Variants in ACER3 observed in about 807,000 individuals in gnomAD.
ACER3 encodes alkCDase 3.
Under a neutral mutation model 48.9 loss-of-function variants are expected in ACER3, and 16 were observed. That is an observed-to-expected ratio of 0.33 (90% CI 0.22 to 0.50). The LOEUF (loss-of-function observed/expected upper bound fraction) is 0.50. ACER3 is among the 20% of genes least tolerant of loss of function. The pLI, the probability that ACER3 is intolerant of heterozygous loss-of-function variation, is 0.98. For synonymous variants in ACER3, 109 were observed against 107.8 expected (o/e 1.01, Z -0.07); for missense variants, 227 against 326.0 (o/e 0.70, Z 2.34).
chr11:76,869,397 A>G (rs1945184259), intron 1 of ACER3, among the ~76,000 whole-genome samples: 2 of 152,260 alleles, frequency 1.3e-5, no homozygotes, highest in Non-Finnish European at 2.9e-5. Flanking sequence ...TTACAAACTT[A>G]AAACATAGAT....
At chr11:76,987,728 A>C (rs1253204430) in intron 5 of ACER3, among the ~76,000 whole-genome samples, 6 of 152,214 alleles carry the variant, frequency 3.9e-5, no homozygotes, top group Non-Finnish European at 8.8e-5. Flanking sequence ...ACTTGAGCCC[A>C]GGAGTTCAAG....
chr11:77,001,046 GTA>G (rs1949022595), intron 7 of ACER3, among the ~76,000 whole-genome samples: 1 of 152,088 alleles, frequency 6.6e-6, no homozygotes, highest in South Asian at 2.1e-4. Flanking sequence ...CATGAACACA[GTA>G]TGTCTCTTGA....
At chr11:76,899,658 C>T (rs1184120580) in intron 1 of ACER3, among the ~76,000 whole-genome samples, 1 of 152,094 alleles carries the variant, frequency 6.6e-6, no homozygotes, top group African/African-American at 2.4e-5. Flanking sequence ...ATCATTTGCT[C>T]TTTATTTTTT....
chr11:76,926,635 A>G lies in ACER3; in HGVS notation c.182A>G (p.Lys61Arg), dbSNP rs555155221. 3.6e-5 allele frequency: 58 copies of G among 1,602,768 alleles called. 1 individual carries two copies. The highest frequency in any genetic ancestry group is 3.5e-4 in the African/African-American group (26 of 74,966). The change falls in exon 2 of 11, where the codon AAG becomes AGG. Residue 61 changes from lysine to arginine, a missense_variant. Lys to Arg is a conservative substitution (Grantham distance 26, BLOSUM62 2). Around this residue, in one of 3 missense-constraint regions of ACER3, gnomAD observed 195 missense variants for 290.8 expected, o/e 0.67. Transcript: ENST00000532485. ...CAGAGTGTTAGAGACGGTCTGGAAAAGCGGTACATTGCTTCTTATTTAGCA... is the reference window on the plus strand; with the variant it reads ...CAGAGTGTTAGAGACGGTCTGGAAAGGCGGTACATTGCTTCTTATTTAGCA... Reference protein sequence around the residue: ...AVQSVRDGLEKRYIASYLALT... With the variant: ...AVQSVRDGLERRYIASYLALT...
chr11:76,979,390 C>A (rs536054575), intron 4 of ACER3, among the ~76,000 whole-genome samples: 3 of 152,226 alleles, frequency 2.0e-5, no homozygotes, highest in African/African-American at 7.2e-5. Context: ...GAATGCCCAT[C>A]TAGCTGCTAT....
chr11:77,026,457 C>T lies in ACER3; in HGVS notation c.*6130C>T, dbSNP rs538780683. On this transcript the variant is annotated 3_prime_UTR_variant, in exon 11 of 11. Transcript: ENST00000532485. ...TTGTTCACTATCATGCCTTTCCATA[C>T]TTGTAATATTTCTGAGTCACTTATT... 2 of 152,266 alleles carry T rather than the reference C, an allele frequency of 1.3e-5. No individual in the cohort carries two copies. Among genetic ancestry groups the T allele is most frequent in the East Asian group, 1.9e-4 (1 of 5,182 alleles). The allele number at this position is 152,266 out of a possible 1,614,324, so 9.4% of individuals were successfully genotyped here.
chr11:76,889,939 A>G (rs1945765808), intron 1 of ACER3, among the ~76,000 whole-genome samples: 1 of 151,964 alleles, frequency 6.6e-6, no homozygotes, highest in South Asian at 2.1e-4. Flanking sequence ...TTTTAAAAAC[A>G]CTTAACAATA....
chr11:76,871,681 C>T (rs61895513), intron 1 of ACER3, among the ~76,000 whole-genome samples: 60,988 of 151,964 alleles, frequency 0.4, 15,077 homozygotes, highest in Non-Finnish European at 0.56. Context: ...GTTTCCTATT[C>T]AGACCTCTAA....
Position 76,959,185 on chromosome 11 carries a change from GT to G in ACER3, c.267+155del, listed in dbSNP as rs1947920283. ...TGAGGATCCAAACTGACTAAGTGAA[GT>G]AAAGAAATAAGCAGGTGAGTCCATA... On this transcript the variant is annotated intron_variant, in intron 3 of 10. Transcript: ENST00000532485. 2.0e-6 allele frequency: 3 copies of G among 1,518,450 alleles called. No individual in the cohort carries two copies. In the South Asian group the frequency reaches 3.6e-5, roughly 18 times the overall value. The allele number at this position is 1,518,450 out of a possible 1,614,324, so 94.1% of individuals were successfully genotyped here. A position where few individuals can be genotyped will look rare whatever the true frequency, so the allele number is the denominator to read the frequency against.
Position 76,952,668 on chromosome 11 carries a change from CTT to C in ACER3, c.215-6295_215-6294del, listed in dbSNP as rs398016733. Among the ~76,000 whole-genome samples the C allele has an allele frequency of 1.7e-3, 221 of 132,992 alleles. 1 individual carries two copies. The highest frequency in any genetic ancestry group is 5.6e-3 in the African/African-American group (206 of 36,700). 87.2% of individuals were successfully genotyped at this position (132,992 alleles called of 152,430 possible). A position where few individuals can be genotyped will look rare whatever the true frequency, so the allele number is the denominator to read the frequency against. On this transcript the variant is annotated intron_variant, in intron 2 of 10. Coordinates refer to ENST00000532485, the MANE Select transcript of ACER3 (RefSeq NM_018367.7). ...TGGCTATAGAAGTTACGTAAGATTT[CTT>C]TTTTTTTTTTTTTTTAGACAGAGTC...
chr11:76,971,957 A>G (rs1948318481), intron 3 of ACER3, among the ~76,000 whole-genome samples: 1 of 152,148 alleles, frequency 6.6e-6, no homozygotes. Flanking sequence ...TGTTTACTTG[A>G]CTTTATTTCC....
At chr11:76,922,869 A>G (rs1003237560) in intron 1 of ACER3, among the ~76,000 whole-genome samples, 16 of 152,260 alleles carry the variant, frequency 1.1e-4, no homozygotes, top group African/African-American at 3.4e-4. Flanking sequence ...TAAAATATAA[A>G]GTTCAGTACC....
chr11:76,948,583 A>G (rs1325650019), intron 2 of ACER3, among the ~76,000 whole-genome samples: 1 of 152,166 alleles, frequency 6.6e-6, no homozygotes, highest in Non-Finnish European at 1.5e-5. Context: ...AGTACTAATA[A>G]CACTAAAACC....
At chr11:77,019,250 G>A (rs539718450) in intron 9 of ACER3, among the ~76,000 whole-genome samples, 1 of 152,284 alleles carries the variant, frequency 6.6e-6, no homozygotes, top group East Asian at 1.9e-4. Context: ...CACAAGGTCT[G>A]GGGTTCGAGA....
chr11:76,875,916 AG>A (rs1945368993), intron 1 of ACER3, among the ~76,000 whole-genome samples: 2 of 151,494 alleles, frequency 1.3e-5, no homozygotes, highest in Non-Finnish European at 2.9e-5. Flanking sequence ...TTGTATTATT[AG>A]TAGAGACAGG....
intron 1 of ACER3, among the ~76,000 whole-genome samples, chr11:76,914,522 G>C (rs187474986): frequency 0.017 from 2,539 of 152,182 alleles, 33 homozygotes; most frequent in Middle Eastern, 0.041. Context: ...TTAGAATGGC[G>C]ATCATTAAAA....
chr11:76,874,410 A>AAC (rs1041504530), intron 1 of ACER3, among the ~76,000 whole-genome samples: 2 of 151,848 alleles, frequency 1.3e-5, no homozygotes, highest in African/African-American at 2.4e-5. Flanking sequence ...AGTTAAAAAA[A>AAC]AAAAACAAAA....
intron 1 of ACER3, among the ~76,000 whole-genome samples, chr11:76,861,909 C>T (rs561333917): frequency 3.7e-4 from 57 of 152,314 alleles, no homozygotes; most frequent in African/African-American, 1.3e-3. Context: ...CTCTGTCAGG[C>T]ACTGCTGGTC....
intron 2 of ACER3, among the ~76,000 whole-genome samples, chr11:76,953,300 CT>C (rs1947735422): frequency 6.6e-6 from 1 of 152,078 alleles, no homozygotes; most frequent in Non-Finnish European, 1.5e-5. Flanking sequence ...GAAGAAAACT[CT>C]TTAACTTCTA....
Sources: allele counts gnomAD v4.1 joint callset (sites outside exome capture counted in the v4.1 genomes callset), GRCh38; gene constraint gnomAD v4.1.1; regional missense constraint gnomAD v4.1.1; transcripts MANE v1.5; gene names NCBI Gene and HGNC (gene_info 2026-07-23, HGNC 2026-07-21).